SCNN1G: variants seen among roughly 807,000 people sequenced by gnomAD.
SCNN1G encodes the protein sodium channel epithelial 1 subunit gamma.
A neutral mutation model predicts 64.6 loss-of-function variants in SCNN1G; 27 were observed. The ratio of observed to expected loss-of-function variants is 0.42; its 90% CI spans 0.31 to 0.58. SCNN1G has a LOEUF of 0.58. SCNN1G is among the 20% of genes least tolerant of loss of function. SCNN1G has a pLI of 0.18. For synonymous variants in SCNN1G, 330 were observed against 314.2 expected, an observed-to-expected ratio of 1.05 and a Z score of -0.53; for missense variants, 743 against 823.4, an observed-to-expected ratio of 0.90 and a Z score of 1.19.
At chr16:23,202,264 G>GGA (rs1959902315) in intron 6 of SCNN1G, among the ~76,000 whole-genome samples, 2 of 98,720 alleles carry the variant, frequency 2.0e-5, no homozygotes, top group East Asian at 3.5e-4. Flanking sequence ...GGGTGGGTGG[G>GGA]TGGATGGATG....
At chr16:23,192,719 G>A (rs1959729262) in intron 4 of SCNN1G, among the ~76,000 whole-genome samples, 177 bp downstream of exon 4, 1 of 152,052 alleles carries the variant, frequency 6.6e-6, no homozygotes, top group Admixed American at 6.6e-5. Context: ...CAGTGAGTGA[G>A]GTATACATGA....
intron 4 of SCNN1G, 105 bp downstream of exon 4, chr16:23,192,647 G>A (rs535825339): frequency 1.1e-6 from 1 of 921,466 alleles, no homozygotes; most frequent in Non-Finnish European, 1.7e-6. Context: ...GGGAGCAAAA[G>A]GTGCTCTTCT....
Position 23,192,421 on chromosome 16 carries a change from T to C in SCNN1G, c.688T>C (p.Tyr230His). 1 of 1,614,042 alleles carries C rather than the reference T, an allele frequency of 6.2e-7. No homozygotes were observed. The highest frequency in any genetic ancestry group is 8.5e-7 in the Non-Finnish European group (1 of 1,179,952). The change falls in exon 4 of 13, where the codon TAT (tyrosine) becomes CAT (histidine). Residue 230 changes from tyrosine to histidine, a missense_variant. Coordinates refer to ENST00000300061, the MANE Select transcript of SCNN1G (RefSeq NM_001039.4). ...SSGINAIQEW[Y>H]KLHYMNIMAQ... ...GGGAATCAATGCCATTCAGGAGTGG[T>C]ATAAGCTACACTACATGAACATCAT...
intron 6 of SCNN1G, among the ~76,000 whole-genome samples, chr16:23,203,583 A>C (rs190662448): frequency 3.3e-5 from 5 of 151,924 alleles, no homozygotes; most frequent in African/African-American, 1.2e-4. Context: ...ATCCTGGCTA[A>C]TACAGTGAAA....
intron 5 of SCNN1G, among the ~76,000 whole-genome samples, chr16:23,195,270 G>A (rs775903788): frequency 2.0e-5 from 3 of 152,080 alleles, no homozygotes; most frequent in Non-Finnish European, 4.4e-5. Context: ...TATTATTACC[G>A]TTACTAGCAT....
rs1441017850 is a variant in SCNN1G at position 23,215,839 on chromosome 16, G to GTT, written c.*370_*371insTT. ...GACTCTTCCAAAGCCCCAAAGCCGA[G>GTT]GGTTTCACCCACACTGCCAGCCTGG... On this transcript the variant is annotated 3_prime_UTR_variant, in exon 13 of 13. Coordinates refer to ENST00000300061, the MANE Select transcript of SCNN1G (RefSeq NM_001039.4). 1 of 323,636 alleles carries GTT rather than the reference G, an allele frequency of 3.1e-6. No homozygotes were observed. The allele number at this position is 323,636 out of a possible 1,614,324, so 20.0% of individuals were successfully genotyped here.
intron 3 of SCNN1G, among the ~76,000 whole-genome samples, chr16:23,190,043 CT>C (rs1164077546): frequency 1.1e-4 from 17 of 151,206 alleles, no homozygotes; most frequent in South Asian, 4.2e-4. Context: ...GCACTCCAGC[CT>C]GAGTGACAGA....
chr16:23,214,144 A>G (rs1187855782), intron 11 of SCNN1G, among the ~76,000 whole-genome samples: 1 of 152,212 alleles, frequency 6.6e-6, no homozygotes, highest in Non-Finnish European at 1.5e-5. Context: ...TCAGCCAATT[A>G]TTGACAGCAT....
At chr16:23,190,331 C>T (rs942214262) in intron 3 of SCNN1G, among the ~76,000 whole-genome samples, 3 of 151,010 alleles carry the variant, frequency 2.0e-5, no homozygotes, top group Non-Finnish European at 4.4e-5. Context: ...GATGATTCAG[C>T]TGCAAACAAC....
intron 6 of SCNN1G, among the ~76,000 whole-genome samples, chr16:23,201,833 C>T (rs374605683): frequency 3.9e-5 from 6 of 152,224 alleles, no homozygotes; most frequent in African/African-American, 1.4e-4. Context: ...TTTTTAAAGA[C>T]AAGGTCTTGC....
chr16:23,212,825 C>A lies in SCNN1G; in HGVS notation c.1374-12C>A, dbSNP rs1960102361. 6.2e-7 allele frequency: 1 copy of A among 1,614,198 alleles called. No homozygotes were observed. Among genetic ancestry groups the A allele is most frequent in the Non-Finnish European group, 8.5e-7 (1 of 1,180,004 alleles). On this transcript the variant is annotated splice_polypyrimidine_tract_variant and intron_variant, in intron 9 of 12. Transcript: ENST00000300061. ...GGGCTGCCTACACTCATGCTGTCCC[C>A]TCCTCCCTTAGCTTTAAAGAGTGGA...
chr16:23,204,334 TAGAGAGAGAGAGAG>T (rs755322105), intron 6 of SCNN1G, among the ~76,000 whole-genome samples: 2 of 15,176 alleles, frequency 1.3e-4, no homozygotes, highest in East Asian at 2.4e-3. Flanking sequence ...TATATATATA[TAGAGAGAGAGAGAG>T]AGAGAGAGAG....
intron 3 of SCNN1G, among the ~76,000 whole-genome samples, chr16:23,191,000 T>C (rs1004782552): frequency 2.6e-5 from 4 of 151,838 alleles, no homozygotes; most frequent in Admixed American, 6.6e-5. Flanking sequence ...TGCACCACCA[T>C]GCTTGGCTAA....
chr16:23,210,340 A>G lies in SCNN1G; in HGVS notation c.1176+492A>G, dbSNP rs552903750. 1.1e-3 allele frequency among the ~76,000 whole-genome samples: 164 copies of G among 152,308 alleles called. 1 individual carries two copies. Among genetic ancestry groups the G allele is most frequent in the African/African-American group, 3.8e-3 (157 of 41,560 alleles). Reference sequence around the variant, plus strand: ...TTCAAGAGCCTGGATGGTGTTCGAAAGTCAAGGAATTTCACAAGAAAATCC... The same window carrying G: ...TTCAAGAGCCTGGATGGTGTTCGAAGGTCAAGGAATTTCACAAGAAAATCC... On this transcript the variant is annotated intron_variant, in intron 7 of 12. Transcript: ENST00000300061.
At chr16:23,184,892 A>G (rs1959581057) in intron 1 of SCNN1G, among the ~76,000 whole-genome samples, 1 of 152,204 alleles carries the variant, frequency 6.6e-6, no homozygotes. Flanking sequence ...TTGTCACTGT[A>G]GAAGGCATAG....
At chr16:23,193,677 A>AATAC (rs1567264025) in intron 4 of SCNN1G, among the ~76,000 whole-genome samples, 16 of 151,814 alleles carry the variant, frequency 1.1e-4, no homozygotes, top group East Asian at 1.9e-4. Flanking sequence ...CAATACAATA[A>AATAC]AATAAAACAC....
intron 11 of SCNN1G, among the ~76,000 whole-genome samples, chr16:23,214,328 T>C (rs935612679): frequency 3.3e-5 from 5 of 152,218 alleles, no homozygotes; most frequent in Non-Finnish European, 7.3e-5. Flanking sequence ...CATAAATGCT[T>C]GTTGCCATTG....
rs1960148921 is a variant in SCNN1G, at chr16:23,215,627, C to T, written c.*158C>T. 5 of 806,066 alleles carry T rather than the reference C, an allele frequency of 6.2e-6. No individual in the cohort carries two copies. Among genetic ancestry groups the T allele is most frequent in the Non-Finnish European group, 1.0e-5 (5 of 493,804 alleles). 49.9% of individuals were successfully genotyped at this position (806,066 alleles called of 1,614,324 possible). A position where few individuals can be genotyped will look rare whatever the true frequency, so the allele number is the denominator to read the frequency against. On this transcript the variant is annotated 3_prime_UTR_variant, in exon 13 of 13. Coordinates refer to ENST00000300061, the MANE Select transcript of SCNN1G (RefSeq NM_001039.4). ...CCTGCTTTAAACCGCAAGATGGGGC[C>T]TGGGCATGCGCAGGAGGAGCCATCG...
At chr16:23,200,200 G>C (rs1959866822) in intron 6 of SCNN1G, among the ~76,000 whole-genome samples, 1 of 152,084 alleles carries the variant, frequency 6.6e-6, no homozygotes, top group Admixed American at 6.6e-5. Flanking sequence ...TGAGCCCAAG[G>C]ATCTATATTT....
Sources: allele counts gnomAD v4.1 joint callset (sites outside exome capture counted in the v4.1 genomes callset), GRCh38; gene constraint gnomAD v4.1.1; transcripts MANE v1.5; gene names NCBI Gene and HGNC (gene_info 2026-07-23, HGNC 2026-07-21).